The following CUL2 variants were observed in gnomAD, a reference collection of about 807,000 sequenced individuals.
CUL2 encodes cullin 2, also known as cullin-2.
CUL2 carries 22 observed loss-of-function variants against 110.2 expected under a neutral mutation model. That is an observed-to-expected ratio of 0.20 (90% CI 0.14 to 0.28). CUL2 has a LOEUF of 0.28. Among genes scored for constraint, CUL2 ranks in the 10% least tolerant of loss-of-function variants. The pLI is 1.00. For synonymous variants in CUL2, 279 were observed against 293.2 expected, an observed-to-expected ratio of 0.95 and a Z score of 0.49; for missense variants, 631 against 905.5, an observed-to-expected ratio of 0.70 and a Z score of 3.89.
intron 9 of CUL2, among the ~76,000 whole-genome samples, chr10:35,038,155 A>G (rs991217262): frequency 6.6e-6 from 1 of 151,470 alleles, no homozygotes; most frequent in African/African-American, 2.4e-5. Flanking sequence ...ATCTCAAAAA[A>G]ATTAATTAAT....
intron 4 of CUL2, among the ~76,000 whole-genome samples, chr10:35,057,162 C>G (rs1320321791): frequency 6.6e-6 from 1 of 152,212 alleles, no homozygotes; most frequent in Non-Finnish European, 1.5e-5. Flanking sequence ...CCTGCATTCA[C>G]TAATCCATTC....
At chr10:35,100,420 G>A (rs996795803) in intron 2 of CUL2, among the ~76,000 whole-genome samples, 1 of 151,954 alleles carries the variant, frequency 6.6e-6, no homozygotes, top group Non-Finnish European at 1.5e-5. Flanking sequence ...GGCCCCTATT[G>A]CACTGTTTTA....
chr10:35,054,606 C>T, intron 4 of CUL2, 67 bp from the exon 5 acceptor site: 1 of 757,892 alleles, frequency 1.3e-6, no homozygotes, highest in South Asian at 1.9e-5. Flanking sequence ...TGACTTGCAA[C>T]TTTAGAAGAA....
chr10:35,102,901 T>A (rs901604071), intron 1 of CUL2, among the ~76,000 whole-genome samples: 29 of 150,508 alleles, frequency 1.9e-4, no homozygotes, highest in Admixed American at 3.3e-4. Context: ...AAAAAAAAAA[T>A]TTTAAGAAGA....
intron 17 of CUL2, among the ~76,000 whole-genome samples, chr10:35,016,603 A>G (rs947162725): frequency 6.6e-6 from 1 of 152,192 alleles, no homozygotes. Flanking sequence ...ATAAATCAGT[A>G]AAACTATCAT....
intron 1 of CUL2, chr10:35,118,714 A>G (rs1350480632): frequency 2.0e-5 from 3 of 152,156 alleles, no homozygotes; most frequent in Admixed American, 1.3e-4. Flanking sequence ...CCTTGGGACA[A>G]TCAGCTGCCT....
At chr10:35,011,203 ATTTTTTAATTTTTTTT>A (rs1321299467) in intron 20 of CUL2, among the ~76,000 whole-genome samples, 7 of 142,496 alleles carry the variant, frequency 4.9e-5, no homozygotes, top group African/African-American at 1.8e-4. Flanking sequence ...TAATTTTTTA[ATTTTTTAATTTTTTTT>A]TTTTTTTTTT....
At chr10:35,095,723 G>T (rs775762717) in intron 2 of CUL2, among the ~76,000 whole-genome samples, 1 of 151,936 alleles carries the variant, frequency 6.6e-6, no homozygotes, top group Non-Finnish European at 1.5e-5. Context: ...TACACCCAGC[G>T]AATTTTTTTG....
chr10:35,100,101 C>T (rs545765220), intron 2 of CUL2, among the ~76,000 whole-genome samples: 9 of 151,496 alleles, frequency 5.9e-5, no homozygotes, highest in Middle Eastern at 3.4e-3. Context: ...CTACTGTGCC[C>T]GGTCTTGTAC....
intron 1 of CUL2, among the ~76,000 whole-genome samples, chr10:35,077,135 T>C (rs899293196): frequency 1.3e-5 from 2 of 152,124 alleles, no homozygotes; most frequent in Non-Finnish European, 2.9e-5. Flanking sequence ...AAATGCAATA[T>C]ATCCATACAA....
chr10:35,011,711 G>C (rs1438637758), intron 20 of CUL2, 137 bp downstream of exon 20: 1 of 579,898 alleles, frequency 1.7e-6, no homozygotes, highest in Non-Finnish European at 3.1e-6. Flanking sequence ...GTACGATTCT[G>C]ATTAAGTATG....
At chr10:35,095,334 AAAAG>A (rs34213590), upstream of CUL2, among the ~76,000 whole-genome samples, 19,307 of 150,062 alleles carry the variant, frequency 0.13, 1,338 homozygotes, top group South Asian at 0.19. Flanking sequence ...AAAAAAAAAA[AAAAG>A]AAAGAAAGAA....
At chr10:35,077,337 AAC>A (rs1554866067) in intron 1 of CUL2, among the ~76,000 whole-genome samples, 4 of 151,302 alleles carry the variant, frequency 2.6e-5, no homozygotes, top group South Asian at 2.1e-4. Flanking sequence ...AAACAAAAAA[AAC>A]AAACAAAAAT....
intron 17 of CUL2, among the ~76,000 whole-genome samples, chr10:35,017,965 C>T (rs1453450976): frequency 2.0e-5 from 3 of 151,642 alleles, no homozygotes; most frequent in Non-Finnish European, 2.9e-5. Context: ...AACACACACA[C>T]GGCCTGCATT....
intron 1 of CUL2, among the ~76,000 whole-genome samples, chr10:35,125,447 A>ATGAATTGTTCAT (rs1491191424): frequency 6.6e-6 from 1 of 152,262 alleles, no homozygotes; most frequent in African/African-American, 2.4e-5. Flanking sequence ...CTCCTGTTAC[A>ATGAATTGTTCAT]GAGACAATTG....
intron 1 of CUL2, chr10:35,074,034 G>A: frequency 2.7e-6 from 2 of 745,636 alleles, no homozygotes; most frequent in South Asian, 1.5e-5. Flanking sequence ...CTAGGCTGCT[G>A]TGTGCAACCA....
At chr10:35,062,320 A>C (rs1319937480) in intron 3 of CUL2, among the ~76,000 whole-genome samples, 1 of 152,188 alleles carries the variant, frequency 6.6e-6, no homozygotes, top group Non-Finnish European at 1.5e-5. Flanking sequence ...TTCATATAGC[A>C]CATGAAAGGC....
chr10:35,019,313 G>A (rs1216055835), intron 17 of CUL2, among the ~76,000 whole-genome samples: 2 of 152,008 alleles, frequency 1.3e-5, no homozygotes. Context: ...AGGAGATCAT[G>A]CGAGGGGCCA....
intron 17 of CUL2, among the ~76,000 whole-genome samples, chr10:35,021,460 TACACAC>T: frequency 7.1e-6 from 1 of 140,732 alleles, no homozygotes; most frequent in East Asian, 2.0e-4. Context: ...CACACATACA[TACACAC>T]ACACAAATAT....
Sources: gnomAD v4.1 joint callset for allele counts (sites outside exome capture counted in the v4.1 genomes callset) on GRCh38, gnomAD v4.1.1 for gene constraint, MANE v1.5 for transcripts, NCBI Gene and HGNC (gene_info 2026-07-23, HGNC 2026-07-21) for gene names.